MACROD2: variants seen among roughly 807,000 people sequenced by gnomAD.
MACROD2 encodes mono-ADP ribosylhydrolase 2.
MACROD2 carries 36 observed loss-of-function variants against 70.4 expected under a neutral mutation model. That is an observed-to-expected ratio of 0.51 (90% CI 0.39 to 0.68). MACROD2 has a LOEUF of 0.68. MACROD2 is among the 30% of genes least tolerant of loss of function. The pLI is 0.00. For missense variants in MACROD2, 496 were observed against 538.4 expected (o/e 0.92, Z 0.78); for synonymous variants, 172 against 178.8 (o/e 0.96, Z 0.30).
chr20:15,660,128 T>C (rs1397013607), intron 8 of MACROD2, among the ~76,000 whole-genome samples: 1 of 152,066 alleles, frequency 6.6e-6, no homozygotes, highest in African/African-American at 2.4e-5. Context: ...GAGTGAATAA[T>C]TGAAGAAATA....
At chr20:15,397,895 T>C (rs894502300) in intron 6 of MACROD2, among the ~76,000 whole-genome samples, 73 of 152,194 alleles carry the variant, frequency 4.8e-4, no homozygotes, top group African/African-American at 1.7e-3. Context: ...AGAGATATTA[T>C]ATAAACAATA....
chr20:14,261,404 C>T (rs2082099994), intron 3 of MACROD2, among the ~76,000 whole-genome samples: 1 of 152,038 alleles, frequency 6.6e-6, no homozygotes, highest in Admixed American at 6.6e-5. Context: ...TGACTTTTTT[C>T]CTATACTTAT....
intron 3 of MACROD2, among the ~76,000 whole-genome samples, chr20:14,336,207 A>G (rs989939060): frequency 6.6e-6 from 1 of 152,170 alleles, no homozygotes; most frequent in Non-Finnish European, 1.5e-5. Flanking sequence ...TTGTTTCTGG[A>G]TAATAAAATA....
intron 2 of MACROD2, among the ~76,000 whole-genome samples, chr20:14,071,252 GTTTTTTTTT>G (rs59052053): frequency 3.3e-4 from 21 of 63,936 alleles, no homozygotes; most frequent in African/African-American, 1.1e-3. Flanking sequence ...TTCATCTTGT[GTTTTTTTTT>G]TTTTTTTTTT....
chr20:14,794,009 G>T (rs535288603), intron 5 of MACROD2, among the ~76,000 whole-genome samples: 25 of 152,190 alleles, frequency 1.6e-4, no homozygotes, highest in Middle Eastern at 3.4e-3. Context: ...AAGAGGAGGT[G>T]TAGCTTCATG....
intron 5 of MACROD2, among the ~76,000 whole-genome samples, chr20:15,096,314 T>A (rs2075831696): frequency 6.6e-6 from 1 of 152,056 alleles, no homozygotes; most frequent in African/African-American, 2.4e-5. Context: ...AGAACGTGGC[T>A]GCATCCCTTT....
chr20:15,663,375 C>T (rs982167493), intron 8 of MACROD2, among the ~76,000 whole-genome samples: 7 of 151,704 alleles, frequency 4.6e-5, no homozygotes, highest in African/African-American at 1.7e-4. Flanking sequence ...GCTGGGACTA[C>T]AGGCATGCAC....
intron 5 of MACROD2, among the ~76,000 whole-genome samples, chr20:14,996,398 AG>A (rs1014375039): frequency 2.0e-5 from 3 of 152,164 alleles, no homozygotes; most frequent in African/African-American, 7.2e-5. Flanking sequence ...GATAAAGAAA[AG>A]CCCATTGAAG....
At chr20:14,376,441 G>T (rs1266992318) in intron 3 of MACROD2, among the ~76,000 whole-genome samples, 1 of 152,112 alleles carries the variant, frequency 6.6e-6, no homozygotes, top group Non-Finnish European at 1.5e-5. Context: ...TTGAAATAAT[G>T]TAGTGAAAAG....
intron 6 of MACROD2, among the ~76,000 whole-genome samples, chr20:15,344,012 A>T (rs2078137127): frequency 6.6e-6 from 1 of 152,190 alleles, no homozygotes; most frequent in African/African-American, 2.4e-5. Context: ...AAATGTGAGA[A>T]AGGAGCAGGA....
At chr20:14,917,086 C>T (rs576298921) in intron 5 of MACROD2, among the ~76,000 whole-genome samples, 2 of 151,440 alleles carry the variant, frequency 1.3e-5, no homozygotes, top group East Asian at 3.9e-4. Context: ...GTGGAGTGTC[C>T]TGCCAAGTCT....
rs1422594192 is a variant in MACROD2, at chr20:16,023,435, C to T, written c.1154-17766C>T. On this transcript the variant is annotated intron_variant, in intron 15 of 17. Coordinates refer to ENST00000684519, the MANE Select transcript of MACROD2 (RefSeq NM_001351661.2). ...CTTGCAGTGAGCTGAGATCCTGTCACTGCACTCCAGCCTAGGGGACAGAGC... is the reference window on the plus strand; with the variant it reads ...CTTGCAGTGAGCTGAGATCCTGTCATTGCACTCCAGCCTAGGGGACAGAGC... Among the ~76,000 whole-genome samples, 14 of 133,060 alleles carry T rather than the reference C, an allele frequency of 1.1e-4. No individual in the cohort carries two copies. In the Admixed American group the frequency reaches 1.2e-3, roughly 12 times the overall value. The allele number at this position is 133,060 out of a possible 152,430, so 87.3% of individuals were successfully genotyped here.
chr20:14,742,915 C>T (rs1289010697), intron 5 of MACROD2, among the ~76,000 whole-genome samples: 2 of 151,270 alleles, frequency 1.3e-5, no homozygotes, highest in Admixed American at 1.3e-4. Context: ...TACAGGCGCC[C>T]GCCACTATGC....
At chr20:14,424,711 T>C (rs1346543465) in intron 3 of MACROD2, among the ~76,000 whole-genome samples, 2 of 152,228 alleles carry the variant, frequency 1.3e-5, no homozygotes, top group Non-Finnish European at 2.9e-5. Context: ...GCAGTATTTA[T>C]GTCAATCATT....
chr20:14,277,437 G>A (rs1048157892), intron 3 of MACROD2, among the ~76,000 whole-genome samples: 4 of 152,172 alleles, frequency 2.6e-5, no homozygotes, highest in African/African-American at 4.8e-5. Context: ...GTGAGACTCC[G>A]TCTCAAAGCA....
intron 4 of MACROD2, among the ~76,000 whole-genome samples, chr20:14,625,560 G>A (rs1395318954): frequency 3.3e-5 from 5 of 152,148 alleles, no homozygotes; most frequent in Non-Finnish European, 7.4e-5. Flanking sequence ...AGTAGACATG[G>A]TGAAAAAGAC....
At chr20:14,298,029 GC>G (rs1371822081) in intron 3 of MACROD2, among the ~76,000 whole-genome samples, 1 of 151,862 alleles carries the variant, frequency 6.6e-6, no homozygotes, top group East Asian at 1.9e-4. Flanking sequence ...GAAGAATGAA[GC>G]CTGGATGATA....
At chr20:15,092,510 C>A (rs1324441860) in intron 5 of MACROD2, among the ~76,000 whole-genome samples, 1 of 150,072 alleles carries the variant, frequency 6.7e-6, no homozygotes, top group Non-Finnish European at 1.5e-5. Flanking sequence ...TGGAAAGCTT[C>A]TTAGGTTTTT....
chr20:14,235,244 A>G (rs1365017474), intron 3 of MACROD2, among the ~76,000 whole-genome samples: 1 of 152,240 alleles, frequency 6.6e-6, no homozygotes, highest in Non-Finnish European at 1.5e-5. Flanking sequence ...GCCTAAAATT[A>G]TAGTAGAAAA....
Sources: allele counts gnomAD v4.1 joint callset (sites outside exome capture counted in the v4.1 genomes callset), GRCh38; gene constraint gnomAD v4.1.1; transcripts MANE v1.5; gene names NCBI Gene and HGNC (gene_info 2026-07-23, HGNC 2026-07-21).